NLRP2: variants seen among roughly 807,000 people sequenced by gnomAD.
NLRP2 encodes NACHT, LRR and PYD domains-containing protein 2.
NLRP2 carries 107 observed loss-of-function variants against 97.2 expected under a neutral mutation model. That is an observed-to-expected ratio of 1.10 (90% CI 0.94 to 1.29). The LOEUF is 1.29. Among genes scored for constraint, NLRP2 ranks in the 50% most tolerant of loss-of-function variants. NLRP2 has a pLI of 0.00. For synonymous variants in NLRP2, 663 were observed against 551.5 expected, an observed-to-expected ratio of 1.20 and a Z score of -2.83; for missense variants, 1,495 against 1,330.3, an observed-to-expected ratio of 1.12 and a Z score of -1.93.
Position 54,986,326 on chromosome 19 carries a change from T to TA in NLRP2, c.2366+13dup. On this transcript the variant is annotated intron_variant, in intron 8 of 12. Transcript: ENST00000448584. ...CCTGCGATATCTCGGGTATATCTCTTAATCATTAAAATCCTTCATCATACA... is the reference window on the plus strand; with the variant it reads ...CCTGCGATATCTCGGGTATATCTCTTAAATCATTAAAATCCTTCATCATACA... 1 of 1,609,446 alleles carries TA rather than the reference T, an allele frequency of 6.2e-7. No individual in the cohort carries two copies. The highest frequency in any genetic ancestry group is 1.3e-5 in the African/African-American group (1 of 74,944).
chr19:54,989,553 C>T, intron 8 of NLRP2: 1 of 242,398 alleles, frequency 4.1e-6, no homozygotes, highest in Non-Finnish European at 8.1e-6. Context: ...TTCTGTATTT[C>T]CAGCTGATTC....
At position 54,983,383 on chromosome 19, in the gene NLRP2, A is replaced by T. The variant is rs758190201; in HGVS notation, c.1685A>T (p.Asn562Ile). 6.2e-7 allele frequency: 1 copy of T among 1,614,228 alleles called. No homozygotes were observed. The highest frequency in any genetic ancestry group is 8.5e-7 in the Non-Finnish European group (1 of 1,180,042). ...QAGYYSFGLA[N>I]EKRAKELEAT... ...GGCTACTACTCCTTTGGCCTCGCTA[A>T]CGAGAAGAGAGCCAAGGAGTTGGAG... Residue 562 changes from asparagine (N) to isoleucine (I), a missense_variant, in exon 6 of 13, where the codon AAC (asparagine) becomes ATC (isoleucine). By Grantham distance (149) the Asn-to-Ile change is moderately radical (BLOSUM62 -3). Coordinates refer to ENST00000448584, the MANE Select transcript of NLRP2 (RefSeq NM_017852.5).
At chr19:54,986,940 G>A (rs928859783) in intron 8 of NLRP2, among the ~76,000 whole-genome samples, 6 of 151,618 alleles carry the variant, frequency 4.0e-5, no homozygotes, top group Non-Finnish European at 7.4e-5. Flanking sequence ...GCTGGAGTGC[G>A]TTGGTATGAT....
At chr19:54,986,576 A>C (rs1005943814) in intron 8 of NLRP2, among the ~76,000 whole-genome samples, 2 of 139,472 alleles carry the variant, frequency 1.4e-5, no homozygotes, top group African/African-American at 5.1e-5. Flanking sequence ...TTTTTTATGA[A>C]GTCTTGCTCT....
intron 9 of NLRP2, 101 bp downstream of exon 9, chr19:54,990,293 G>A (rs1245833073): frequency 6.3e-6 from 8 of 1,265,384 alleles, no homozygotes; most frequent in Non-Finnish European, 9.2e-6. Flanking sequence ...TCTCGCTGAT[G>A]TGAACACCTG....
chr19:54,993,815 G>T, intron 10 of NLRP2: 1 of 273,106 alleles, frequency 3.7e-6, no homozygotes, highest in Non-Finnish European at 7.1e-6. Context: ...GTTGAAGTGA[G>T]CCACCGTGCC....
intron 11 of NLRP2, among the ~76,000 whole-genome samples, chr19:54,997,083 T>C (rs1458575630): frequency 1.3e-5 from 2 of 152,110 alleles, no homozygotes; most frequent in Non-Finnish European, 1.5e-5. Context: ...AACTTCTGTA[T>C]ATTTAGTAGA....
At chr19:54,974,373 G>T in intron 2 of NLRP2, 127 bp from the exon 3 acceptor site, 1 of 783,704 alleles carries the variant, frequency 1.3e-6, no homozygotes, top group South Asian at 1.4e-5. Flanking sequence ...CAAGCATTTT[G>T]AACTGGAAGG....
intron 1 of NLRP2, among the ~76,000 whole-genome samples, chr19:54,967,369 C>T: frequency 6.6e-6 from 1 of 151,496 alleles, no homozygotes; most frequent in East Asian, 1.9e-4. Context: ...GTAATCCTAG[C>T]TACTCAGGAG....
At chr19:54,988,438 A>T (rs1217527500) in intron 8 of NLRP2, among the ~76,000 whole-genome samples, 1 of 151,914 alleles carries the variant, frequency 6.6e-6, no homozygotes, top group Non-Finnish European at 1.5e-5. Context: ...GATTACAGGC[A>T]CCCACCTGTA....
In NLRP2 at chr19:54,998,887, G is replaced by A. The variant is rs36068382; in HGVS notation, c.3050+1400G>A. On this transcript the variant is annotated intron_variant, in intron 12 of 12. Coordinates refer to ENST00000448584, the MANE Select transcript of NLRP2 (RefSeq NM_017852.5). ...TGTTTAACAAAGCATATCTTGCACC[G>A]CCCTTAATCCGTTTAACTCTGAGTG... 3.0e-3 allele frequency among the ~76,000 whole-genome samples: 457 copies of A among 151,344 alleles called. 1 individual carries two copies. The highest frequency in any genetic ancestry group is 3.8e-3 in the Non-Finnish European group (256 of 67,842).
chr19:54,990,099 G>C lies in NLRP2; in HGVS notation c.2444G>C (p.Cys815Ser). 1.9e-6 allele frequency: 3 copies of C among 1,614,146 alleles called. No individual in the cohort carries two copies. In the South Asian group the frequency reaches 3.3e-5, roughly 18 times the overall value. Reference protein sequence around the residue: ...LALEVNQSLTCVNLSDNELLD... With the variant: ...LALEVNQSLTSVNLSDNELLD... ...CTTGAAGTCAACCAGTCCCTGACGT[G>C]CGTAAACCTCTCCGACAATGAGCTT... The change falls in exon 9 of 13, where the codon TGC becomes TCC. Residue 815 changes from cysteine to serine, a missense_variant. By Grantham distance (112) the Cys-to-Ser change is moderately radical. Transcript: ENST00000448584.
At chr19:54,974,752 A>C (rs556465120) in intron 3 of NLRP2, among the ~76,000 whole-genome samples, 1 of 152,178 alleles carries the variant, frequency 6.6e-6, no homozygotes, top group African/African-American at 2.4e-5. Flanking sequence ...ATCTATAAAT[A>C]CATACAAAGC....
At chr19:54,989,712 G>A (rs1047983657) in intron 8 of NLRP2, 9 of 485,270 alleles carry the variant, frequency 1.9e-5, no homozygotes, top group Non-Finnish European at 2.6e-5. Context: ...TGCCGGGCGC[G>A]GTGGCTCACG....
chr19:54,976,626 C>T (rs2071244189), intron 3 of NLRP2, among the ~76,000 whole-genome samples: 2 of 151,972 alleles, frequency 1.3e-5, no homozygotes, highest in Admixed American at 1.3e-4. Flanking sequence ...GGATTACAGG[C>T]ATGAGCCACC....
In NLRP2 at chr19:54,981,610, T is replaced by C. The variant is rs2071579646; in HGVS notation, c.398-7T>C. The C allele has an allele frequency of 6.4e-7, 1 of 1,559,096 alleles. No individual in the cohort carries two copies. The highest frequency in any genetic ancestry group is 1.4e-5 in the African/African-American group (1 of 73,508). ...GTGTCAATCTCACATGAGTTTGTAT[T>C]TTGTAGCGTTTACAGAAACGAAAGG... On this transcript the variant is annotated splice_polypyrimidine_tract_variant and splice_region_variant and intron_variant, in intron 4 of 12. Transcript: ENST00000448584.
At chr19:54,972,836 G>A (rs1026152933) in intron 2 of NLRP2, among the ~76,000 whole-genome samples, 1 of 152,028 alleles carries the variant, frequency 6.6e-6, no homozygotes, top group Non-Finnish European at 1.5e-5. Flanking sequence ...AAATGTGCCC[G>A]TTGGGTACCC....
At chr19:54,972,914 C>A (rs2070956770) in intron 2 of NLRP2, among the ~76,000 whole-genome samples, 1 of 152,092 alleles carries the variant, frequency 6.6e-6, no homozygotes, top group South Asian at 2.1e-4. Flanking sequence ...GTAGGCCGGG[C>A]ACAGTGGCTC....
In NLRP2 at chr19:54,969,913, T is replaced by C. The variant is rs145324058; in HGVS notation, c.-17-86T>C. 293 of 1,344,924 alleles carry C rather than the reference T, an allele frequency of 2.2e-4. 1 individual carries two copies. The African/African-American group carries it at 3.4e-3, about 16-fold the overall frequency. The allele number at this position is 1,344,924 out of a possible 1,614,324, so 83.3% of individuals were successfully genotyped here. A position where few individuals can be genotyped will look rare whatever the true frequency, so the allele number is the denominator to read the frequency against. ...GAAGCAGGGTAGATGGTGAGTGTCCTTGTTCGTGGCACAGCAGGAACTGGC... is the reference window on the plus strand; with the variant it reads ...GAAGCAGGGTAGATGGTGAGTGTCCCTGTTCGTGGCACAGCAGGAACTGGC... On this transcript the variant is annotated intron_variant, in intron 1 of 12. Coordinates refer to ENST00000448584, the MANE Select transcript of NLRP2 (RefSeq NM_017852.5).
Sources: gnomAD v4.1 joint callset for allele counts (sites outside exome capture counted in the v4.1 genomes callset) on GRCh38, gnomAD v4.1.1 for gene constraint, MANE v1.5 for transcripts, NCBI Gene and HGNC (gene_info 2026-07-23, HGNC 2026-07-21) for gene names.